The following XPNPEP1 variants were observed in gnomAD, a reference collection of about 807,000 sequenced individuals.
The protein encoded by XPNPEP1 is xaa-Pro aminopeptidase 1.
In XPNPEP1, 39 loss-of-function variants were observed where a neutral mutation model predicts 92.4. That is an observed-to-expected ratio of 0.42 (90% CI 0.33 to 0.55). The LOEUF (loss-of-function observed/expected upper bound fraction) is 0.55, where lower values mean the gene tolerates loss of function less well. Ranked by LOEUF, XPNPEP1 falls within the 20% of genes least tolerant of loss-of-function variation. XPNPEP1 has a pLI of 0.08. For missense variants in XPNPEP1, 654 were observed against 856.1 expected, an observed-to-expected ratio of 0.76 and a Z score of 2.95; for synonymous variants, 307 against 299.4, an observed-to-expected ratio of 1.03 and a Z score of -0.26.
At position 109,867,073 on chromosome 10, in the gene XPNPEP1, T is replaced by C. The variant is rs1847183950; in HGVS notation, c.1872+1541A>G. Among the ~76,000 whole-genome samples the C allele has an allele frequency of 6.6e-6, 1 of 152,236 alleles. No homozygotes were observed. Among genetic ancestry groups the C allele is most frequent in the Non-Finnish European group, 1.5e-5 (1 of 68,038 alleles). Reference sequence around the variant, plus strand: ...GAAGGACTGCATGACCTAGAATTACTTGGCAGGAATCCATAGCCTTGGACT... The same window carrying C: ...GAAGGACTGCATGACCTAGAATTACCTGGCAGGAATCCATAGCCTTGGACT... On this transcript the variant is annotated intron_variant, in intron 20 of 20. Coordinates refer to ENST00000502935, the MANE Select transcript of XPNPEP1 (RefSeq NM_020383.4). This position sits in a 1 kb window ranked among gnomAD's most constrained non-coding sequence, Gnocchi z 4.5.
chr10:109,883,779 C>T (rs1848239233), intron 9 of XPNPEP1: 1 of 303,168 alleles, frequency 3.3e-6, no homozygotes, highest in African/African-American at 2.2e-5. Flanking sequence ...TATAATTGAG[C>T]ATATATACCC....
chr10:109,870,463 A>G (rs1847393398), intron 18 of XPNPEP1, among the ~76,000 whole-genome samples: 3 of 152,220 alleles, frequency 2.0e-5, no homozygotes, highest in Admixed American at 6.5e-5. Context: ...CTATCTACAT[A>G]CCTGAAAGAC....
chr10:109,916,931 C>T (rs1850225281), intron 1 of XPNPEP1, among the ~76,000 whole-genome samples: 1 of 152,198 alleles, frequency 6.6e-6, no homozygotes, highest in African/African-American at 2.4e-5. Context: ...AATGCCCCTT[C>T]AAGTTAAAAG....
chr10:109,922,408 G>A (rs1444961048), intron 1 of XPNPEP1, among the ~76,000 whole-genome samples: 1 of 152,128 alleles, frequency 6.6e-6, no homozygotes, highest in Non-Finnish European at 1.5e-5. Flanking sequence ...TCACTTACAG[G>A]AAGCTCCTTC....
intron 11 of XPNPEP1, 103 bp from the exon 12 acceptor site, chr10:109,880,341 G>T: frequency 8.5e-7 from 1 of 1,179,418 alleles, no homozygotes; most frequent in Non-Finnish European, 1.3e-6. Flanking sequence ...TACCTGCAGG[G>T]CCACACATCA....
intron 1 of XPNPEP1, 108 bp downstream of exon 1, chr10:109,923,294 G>C (rs941349539): frequency 1.5e-4 from 182 of 1,232,918 alleles, no homozygotes; most frequent in Non-Finnish European, 1.7e-4. Flanking sequence ...ACTGCGGCGG[G>C]CCGGGCTCCT....
intron 7 of XPNPEP1, 37 bp downstream of exon 7, chr10:109,888,012 G>A (rs1848490675): frequency 6.2e-7 from 1 of 1,608,654 alleles, no homozygotes; most frequent in East Asian, 2.2e-5. Flanking sequence ...GGGGGACAAT[G>A]GCAGGGGCCC....
intron 14 of XPNPEP1, chr10:109,877,443 G>A (rs1258877115): frequency 2.6e-5 from 6 of 229,994 alleles, no homozygotes; most frequent in Non-Finnish European, 5.2e-5. Context: ...TCCAGCCTGG[G>A]CAGCAGAGCA....
At chr10:109,865,826 CTG>C (rs2133334592) in intron 20 of XPNPEP1, among the ~76,000 whole-genome samples, 1 of 152,314 alleles carries the variant, frequency 6.6e-6, no homozygotes, top group East Asian at 1.9e-4. Flanking sequence ...TGGTTAAAGA[CTG>C]TGGTGCAGCA....
At chr10:109,907,589 G>A in intron 3 of XPNPEP1, 102 bp downstream of exon 3, 5 of 1,551,328 alleles carry the variant, frequency 3.2e-6, no homozygotes, top group Middle Eastern at 2.0e-4. Flanking sequence ...GAAGGGCTTG[G>A]TTGTGGCCCT....
At chr10:109,898,846 C>T (rs1024253187) in intron 3 of XPNPEP1, among the ~76,000 whole-genome samples, 2 of 152,170 alleles carry the variant, frequency 1.3e-5, no homozygotes, top group Non-Finnish European at 2.9e-5. Context: ...TGGTCACATG[C>T]CGATGGAACT....
rs149340227 is a variant in XPNPEP1 at position 109,893,190 on chromosome 10, C to T, written c.247-115G>A. On this transcript the variant is annotated intron_variant, in intron 3 of 20. Transcript: ENST00000502935. ...ACTATGAAGACTGGGGAATCCTTGG[C>T]CCCCGCCCTCAAGAAGCCAACAGTC... The T allele has an allele frequency of 5.2e-4, 472 of 911,696 alleles. 1 individual carries two copies. In the African/African-American group the frequency reaches 6.1e-3, roughly 12 times the overall value. The allele number at this position is 911,696 out of a possible 1,614,324, so 56.5% of individuals were successfully genotyped here.
rs1292440852 is a variant in XPNPEP1, at chr10:109,888,732, T to C, written c.416-137A>G. The C allele has an allele frequency of 1.5e-5, 9 of 592,856 alleles. No individual in the cohort carries two copies. In the African/African-American group the frequency reaches 1.5e-4, roughly 10 times the overall value. 36.7% of individuals were successfully genotyped at this position (592,856 alleles called of 1,614,324 possible). ...TTCTTTAAAGTGGATTGACAGGACT[T>C]AGAAAATCTGAACCTCCCTTAATCC... On this transcript the variant is annotated intron_variant, in intron 5 of 20. Coordinates refer to ENST00000502935, the MANE Select transcript of XPNPEP1 (RefSeq NM_020383.4).
chr10:109,883,453 C>A (rs577459623), intron 9 of XPNPEP1, among the ~76,000 whole-genome samples: 4 of 152,188 alleles, frequency 2.6e-5, no homozygotes. Context: ...GTCCCACAAG[C>A]AGACTGGTGC....
chr10:109,895,810 T>C (rs1298360381), intron 3 of XPNPEP1, among the ~76,000 whole-genome samples: 1 of 152,244 alleles, frequency 6.6e-6, no homozygotes, highest in Non-Finnish European at 1.5e-5. Flanking sequence ...CAAGCCTCCA[T>C]CATCTCTACC....
chr10:109,870,080 C>T (rs753885908), intron 18 of XPNPEP1, 51 bp from the exon 19 acceptor site: 1 of 1,593,408 alleles, frequency 6.3e-7, no homozygotes, highest in Non-Finnish European at 8.6e-7. Context: ...ATGAAGATGT[C>T]TACAGAGAGA....
intron 16 of XPNPEP1, among the ~76,000 whole-genome samples, chr10:109,872,666 A>G (rs1180038734): frequency 6.6e-6 from 1 of 152,272 alleles, no homozygotes; most frequent in Non-Finnish European, 1.5e-5. Flanking sequence ...ATCTTCCTGA[A>G]GGAGCTCTCT....
intron 3 of XPNPEP1, among the ~76,000 whole-genome samples, chr10:109,906,084 G>C (rs1223549024): frequency 1.3e-5 from 2 of 152,292 alleles, no homozygotes; most frequent in Admixed American, 1.3e-4. Context: ...GAATGGACAT[G>C]TTTTGTGATC....
At chr10:109,866,833 C>T (rs912855403) in intron 20 of XPNPEP1, among the ~76,000 whole-genome samples, 3 of 152,140 alleles carry the variant, frequency 2.0e-5, no homozygotes, top group Non-Finnish European at 4.4e-5. Context: ...AGTAACTGGC[C>T]GAAAGAATAG....
Sources: allele counts gnomAD v4.1 joint callset (sites outside exome capture counted in the v4.1 genomes callset), GRCh38; gene constraint gnomAD v4.1.1; non-coding constraint Gnocchi (gnomAD v3.1); transcripts MANE v1.5; gene names NCBI Gene and HGNC (gene_info 2026-07-23, HGNC 2026-07-21).